Variants in ZNF423 observed in about 807,000 individuals in gnomAD.
ZNF423 encodes the protein zinc finger protein 423, also known as Ebf-associated zinc finger protein.
In ZNF423, 12 loss-of-function variants were observed where a neutral mutation model predicts 95.8. The observed-to-expected ratio is 0.13, with a 90% CI of 0.08 to 0.20. ZNF423 has a LOEUF of 0.20. Ranked by LOEUF, ZNF423 falls within the 10% of genes least tolerant of loss-of-function variation. The pLI is 1.00. For synonymous variants in ZNF423, 749 were observed against 711.9 expected (o/e 1.05, Z -0.83); for missense variants, 1,316 against 1,737.1 (o/e 0.76, Z 4.31).
chr16:49,675,941 C>T (rs778423136), intron 3 of ZNF423, among the ~76,000 whole-genome samples: 1 of 152,224 alleles, frequency 6.6e-6, no homozygotes, highest in Non-Finnish European at 1.5e-5. Context: ...AGGTGTGCAA[C>T]ATCCACGCAC....
At chr16:49,518,121 C>G in intron 7 of ZNF423, 1 of 416,890 alleles carries the variant, frequency 2.4e-6, no homozygotes, top group East Asian at 7.1e-5. Flanking sequence ...ATTCTCTCTG[C>G]AATTTATGTT....
At chr16:49,651,567 G>A (rs1346921992) in intron 3 of ZNF423, among the ~76,000 whole-genome samples, 1 of 152,198 alleles carries the variant, frequency 6.6e-6, no homozygotes, top group South Asian at 2.1e-4. Context: ...CTTACTATGT[G>A]TGTGACCTTA....
At chr16:49,850,910 C>A (rs957964086) in intron 1 of ZNF423, among the ~76,000 whole-genome samples, 9 of 152,142 alleles carry the variant, frequency 5.9e-5, no homozygotes, top group Non-Finnish European at 1.3e-4. Context: ...CCAGTCCAGG[C>A]TTGACAGAGC....
chr16:49,717,038 C>T (rs2032728388), intron 3 of ZNF423, among the ~76,000 whole-genome samples: 1 of 152,176 alleles, frequency 6.6e-6, no homozygotes, highest in Non-Finnish European at 1.5e-5. Context: ...CACTCTCCTC[C>T]CCCGCCACCC....
At chr16:49,687,029 A>G (rs946508338) in intron 3 of ZNF423, among the ~76,000 whole-genome samples, 8 of 151,970 alleles carry the variant, frequency 5.3e-5, no homozygotes, top group African/African-American at 1.7e-4. Flanking sequence ...CAGAAGAACC[A>G]GATGGCGACA....
chr16:49,578,424 G>C (rs1473917702), intron 5 of ZNF423, among the ~76,000 whole-genome samples: 1 of 151,746 alleles, frequency 6.6e-6, no homozygotes, highest in African/African-American at 2.4e-5. Flanking sequence ...GAGGGCTTTG[G>C]GGTTTTTTAG....
intron 5 of ZNF423, among the ~76,000 whole-genome samples, chr16:49,532,270 C>G (rs536736448): frequency 6.6e-6 from 1 of 152,196 alleles, no homozygotes; most frequent in Non-Finnish European, 1.5e-5. Flanking sequence ...AAACCATCCC[C>G]GCATCACGGC....
chr16:49,491,413 A>T, intron 7 of ZNF423, 109 bp from the exon 8 acceptor site: 1 of 1,377,190 alleles, frequency 7.3e-7, no homozygotes, highest in East Asian at 2.3e-5. Context: ...CGTCTCGATT[A>T]TAACAAAACA....
At chr16:49,837,358 C>T (rs900668621) in intron 1 of ZNF423, among the ~76,000 whole-genome samples, 1 of 152,156 alleles carries the variant, frequency 6.6e-6, no homozygotes, top group African/African-American at 2.4e-5. Flanking sequence ...AGAGGGACAA[C>T]CCCTCCCCAG....
intron 5 of ZNF423, among the ~76,000 whole-genome samples, chr16:49,590,051 T>TATATATATATATATATATATG (rs879296139): frequency 7.5e-6 from 1 of 134,078 alleles, no homozygotes; most frequent in Admixed American, 7.4e-5. Flanking sequence ...TATATATATA[T>TATATATATATATATATATATG]TTGGTCCATA....
chr16:49,692,505 AG>A (rs2031822546), intron 3 of ZNF423, among the ~76,000 whole-genome samples: 1 of 152,206 alleles, frequency 6.6e-6, no homozygotes, highest in Non-Finnish European at 1.5e-5. Flanking sequence ...CCCAAGAACC[AG>A]CACCTTAACC....
At chr16:49,743,782 C>A (rs1464696736) in intron 2 of ZNF423, among the ~76,000 whole-genome samples, 1 of 152,160 alleles carries the variant, frequency 6.6e-6, no homozygotes, top group Non-Finnish European at 1.5e-5. Context: ...GGAGCCCCCT[C>A]TCCCTCCAGT....
At chr16:49,597,119 C>A in intron 5 of ZNF423, among the ~76,000 whole-genome samples, 1 of 152,152 alleles carries the variant, frequency 6.6e-6, no homozygotes, top group East Asian at 1.9e-4. Flanking sequence ...CTGGAGCACT[C>A]CAAGTTGGGA....
chr16:49,586,341 A>G (rs1970834774), intron 5 of ZNF423, among the ~76,000 whole-genome samples: 1 of 151,810 alleles, frequency 6.6e-6, no homozygotes, highest in African/African-American at 2.4e-5. Flanking sequence ...TTCCCAGTGT[A>G]TTACTTGCAT....
chr16:49,635,949 A>G lies in ZNF423; in HGVS notation c.3227T>C (p.Leu1076Pro). Residue 1076 changes from leucine (L) to proline (P), a missense_variant, in exon 4 of 8, where the codon CTG becomes CCG. Physicochemically the swap from Leu to Pro is moderately conservative, Grantham distance 98. Coordinates refer to ENST00000563137, the MANE Select transcript of ZNF423 (RefSeq NM_001379286.1). This position sits in a 1 kb window ranked among gnomAD's most constrained non-coding sequence, Gnocchi z 4.8. ...QGLQKLYKCA[L>P]CLKEFRSKQD... Reference sequence around the variant, plus strand: ...CTTGCTGCGGAACTCCTTGAGGCACAGGGCGCACTTGTAGAGCTTCTGCAG... The same window carrying G: ...CTTGCTGCGGAACTCCTTGAGGCACGGGGCGCACTTGTAGAGCTTCTGCAG... 1 of 1,593,736 alleles carries G rather than the reference A, an allele frequency of 6.3e-7. No homozygotes were observed. Among genetic ancestry groups the G allele is most frequent in the Non-Finnish European group, 8.6e-7 (1 of 1,168,880 alleles).
chr16:49,639,754 T>C (rs1272049352), intron 3 of ZNF423, among the ~76,000 whole-genome samples: 2 of 152,018 alleles, frequency 1.3e-5, no homozygotes, highest in African/African-American at 4.8e-5. Flanking sequence ...GAAGAGACAA[T>C]CCTTGTACAG....
chr16:49,759,792 A>G (rs536825536), intron 2 of ZNF423, among the ~76,000 whole-genome samples: 2 of 152,234 alleles, frequency 1.3e-5, no homozygotes, highest in South Asian at 2.1e-4. Flanking sequence ...GTGTAATTCC[A>G]CAACCTCCTT....
chr16:49,657,564 G>T (rs1225906569), intron 3 of ZNF423, among the ~76,000 whole-genome samples: 2 of 152,242 alleles, frequency 1.3e-5, no homozygotes, highest in Non-Finnish European at 2.9e-5. Context: ...GCCCCCAGGG[G>T]CAACCTTCAC....
intron 2 of ZNF423, among the ~76,000 whole-genome samples, chr16:49,771,259 A>ATGG (rs1555484291): frequency 2.2e-5 from 3 of 135,080 alleles, no homozygotes; most frequent in Non-Finnish European, 4.5e-5. Flanking sequence ...CTGGAGTGCA[A>ATGG]TGGTGTGATC....
Sources: gnomAD v4.1 joint callset for allele counts (sites outside exome capture counted in the v4.1 genomes callset) on GRCh38, gnomAD v4.1.1 for gene constraint, Gnocchi (gnomAD v3.1) non-coding constraint, MANE v1.5 for transcripts, NCBI Gene and HGNC (gene_info 2026-07-23, HGNC 2026-07-21) for gene names.